The following NAGLU variants were observed in gnomAD, a reference collection of about 807,000 sequenced individuals.
NAGLU encodes the protein alpha-N-acetylglucosaminidase.
NAGLU carries 34 observed loss-of-function variants against 43.4 expected under a neutral mutation model. That is an observed-to-expected ratio of 0.78 (90% confidence interval 0.60 to 1.04). The LOEUF (loss-of-function observed/expected upper bound fraction) is 1.04. Among genes scored for constraint, NAGLU ranks in the 50% least tolerant of loss-of-function variants. NAGLU has a pLI of 0.00. For synonymous variants in NAGLU, 425 were observed against 437.6 expected (o/e 0.97, Z 0.36); for missense variants, 910 against 993.7 (o/e 0.92, Z 1.13).
At position 42,536,378 on chromosome 17, in the gene NAGLU, G is replaced by C; in HGVS notation, c.106G>C (p.Val36Leu). The change falls in exon 1 of 6, where the codon GTG becomes CTG. Residue 36 changes from valine (V) to leucine (L), a missense_variant. Val to Leu is a conservative substitution (Grantham distance 32). Coordinates refer to ENST00000225927, the MANE Select transcript of NAGLU (RefSeq NM_000263.4). ...AREAAAVRAL[V>L]ARLLGPGPAA... ...GGAGGCGGCGGCCGTGCGGGCGCTC[G>C]TGGCCCGGCTGCTGGGGCCAGGCCC... 7.5e-6 allele frequency: 9 copies of C among 1,196,708 alleles called. No individual in the cohort carries two copies. The highest frequency in any genetic ancestry group is 3.8e-5 in the South Asian group (1 of 26,386). 74.1% of individuals were successfully genotyped at this position (1,196,708 alleles called of 1,614,324 possible). A position where few individuals can be genotyped will look rare whatever the true frequency, so the allele number is the denominator to read the frequency against.
Position 42,543,644 on chromosome 17 carries a change from T to C in NAGLU, c.1638T>C (p.Ser546=), listed in dbSNP as rs901311027. 6.2e-6 allele frequency: 10 copies of C among 1,612,996 alleles called. No individual in the cohort carries two copies. Among genetic ancestry groups the C allele is most frequent in the Admixed American group, 1.7e-5 (1 of 60,014 alleles). The part of the protein sequence containing the change: ...VFEAWRLLLT[S]APSLATSPAF... Reference sequence around the variant, plus strand: ...AGGCCTGGCGGCTGCTGCTCACATCTGCTCCCTCCCTGGCCACCAGCCCCG... The same window carrying C: ...AGGCCTGGCGGCTGCTGCTCACATCCGCTCCCTCCCTGGCCACCAGCCCCG... Residue 546 remains serine (S), a synonymous_variant, in exon 6 of 6, where the codon TCT becomes TCC. Transcript: ENST00000225927.
At position 42,543,412 on chromosome 17, in the gene NAGLU, C is replaced by T. The variant is rs1567893528; in HGVS notation, c.1406C>T (p.Pro469Leu). Residue 469 changes from proline (P) to leucine (L), a missense_variant, in exon 6 of 6, where the codon CCA becomes CTA. By Grantham distance (98) the Pro-to-Leu change is moderately conservative. Transcript: ENST00000225927. Reference sequence around the variant, plus strand: ...CTGGGCTGGCGAAAGGACCCAGTGCCAGATTTGGCAGCCTGGGTGACCAGC... The same window carrying T: ...CTGGGCTGGCGAAAGGACCCAGTGCTAGATTTGGCAGCCTGGGTGACCAGC... The part of the protein sequence containing the change: ...AELGWRKDPV[P>L]DLAAWVTSFA... 1 of 1,603,456 alleles carries T rather than the reference C, an allele frequency of 6.2e-7. No homozygotes were observed. The highest frequency in any genetic ancestry group is 8.5e-7 in the Non-Finnish European group (1 of 1,175,800).
intron 4 of NAGLU, among the ~76,000 whole-genome samples, chr17:42,539,697 A>G (rs573486616): frequency 1.3e-5 from 2 of 152,316 alleles, no homozygotes; most frequent in South Asian, 4.1e-4. Context: ...TACCCCTGAT[A>G]GGAGAGATAT....
chr17:42,544,193 G>A lies in NAGLU; in HGVS notation c.2187G>A (p.Lys729=). ...PRGDTVDLAK[K]IFLKYYPRWV... is the part of the protein sequence containing the mutation. ...GAGACACTGTGGACCTGGCCAAGAAGATCTTCCTCAAATATTACCCCCGCT... is the reference window on the plus strand; with the variant it reads ...GAGACACTGTGGACCTGGCCAAGAAAATCTTCCTCAAATATTACCCCCGCT... Residue 729 remains lysine (K), a synonymous_variant, in exon 6 of 6, where the codon AAG becomes AAA. Coordinates refer to ENST00000225927, the MANE Select transcript of NAGLU (RefSeq NM_000263.4). The A allele has an allele frequency of 6.2e-7, 1 of 1,612,810 alleles. No homozygotes were observed. Among genetic ancestry groups the A allele is most frequent in the Non-Finnish European group, 8.5e-7 (1 of 1,180,018 alleles).
In NAGLU at chr17:42,544,245, C is replaced by A. The variant is rs755087798; in HGVS notation, c.*7C>A. 2 of 1,607,474 alleles carry A rather than the reference C, an allele frequency of 1.2e-6. No individual in the cohort carries two copies. The highest frequency in any genetic ancestry group is 2.2e-5 in the South Asian group (2 of 91,060). On this transcript the variant is annotated 3_prime_UTR_variant, in exon 6 of 6. Transcript: ENST00000225927. Reference sequence around the variant, plus strand: ...GGTGGCCGGCTCTTGGTGATAGATTCGCCACCACTGGGCCTTGTTTTCCGC... The same window carrying A: ...GGTGGCCGGCTCTTGGTGATAGATTAGCCACCACTGGGCCTTGTTTTCCGC...
chr17:42,541,224 G>T lies in NAGLU; in HGVS notation c.1021+18G>T. 1.2e-6 allele frequency: 2 copies of T among 1,610,968 alleles called. No individual in the cohort carries two copies. The highest frequency in any genetic ancestry group is 1.7e-6 in the Non-Finnish European group (2 of 1,179,966). Reference sequence around the variant, plus strand: ...GACTGCAGGTACAGTGCCTGGGTGGGGTGGGAGAGCCCCCCAGACCCTCAA... The same window carrying T: ...GACTGCAGGTACAGTGCCTGGGTGGTGTGGGAGAGCCCCCCAGACCCTCAA... On this transcript the variant is annotated intron_variant, in intron 5 of 5. Coordinates refer to ENST00000225927, the MANE Select transcript of NAGLU (RefSeq NM_000263.4).
Position 42,538,742 on chromosome 17 carries a change from G to C in NAGLU, c.751G>C (p.Glu251Gln). Residue 251 changes from glutamate (E) to glutamine (Q), a missense_variant, in exon 4 of 6, where the codon GAG (glutamate) becomes CAG (glutamine). Physicochemically the swap from Glu to Gln is conservative, Grantham distance 29. Coordinates refer to ENST00000225927, the MANE Select transcript of NAGLU (RefSeq NM_000263.4). ...VLPAFAGHVP[E>Q]AVTRVFPQVN... is the part of the protein sequence containing the mutation. ...GCCTGCATTCGCGGGGCATGTTCCC[G>C]AGGCTGTCACCAGGTGAGGTTCCGC... is the stretch of plus-strand genomic sequence containing the variant. The C allele has an allele frequency of 6.2e-7, 1 of 1,613,948 alleles. No homozygotes were observed. The highest frequency in any genetic ancestry group is 8.5e-7 in the Non-Finnish European group (1 of 1,180,032).
Position 42,541,059 on chromosome 17 carries a change from G to A in NAGLU, c.874G>A (p.Gly292Arg), listed in dbSNP as rs1358994052. Residue 292 changes from glycine to arginine, a missense_variant, in exon 5 of 6, where the codon GGG becomes AGG. Transcript: ENST00000225927. ...APEDPIFPII[G>R]SLFLRELIKE... ...GGAAGACCCCATATTCCCCATCATC[G>A]GGAGCCTCTTCCTGCGAGAGCTGAT... 27 of 1,614,088 alleles carry A rather than the reference G, an allele frequency of 1.7e-5. No individual in the cohort carries two copies. The highest frequency in any genetic ancestry group is 2.2e-5 in the South Asian group (2 of 91,084).
chr17:42,543,469 C>A lies in NAGLU; in HGVS notation c.1463C>A (p.Pro488Gln). 1.3e-6 allele frequency: 2 copies of A among 1,599,304 alleles called. No homozygotes were observed. Among genetic ancestry groups the A allele is most frequent in the South Asian group, 1.1e-5 (1 of 89,716 alleles). The change falls in exon 6 of 6, where the codon CCG (proline) becomes CAG (glutamine). Residue 488 changes from proline (P) to glutamine (Q), a missense_variant. Transcript: ENST00000225927. ...FAARRYGVSHPDAGAAWRLLL... is the reference protein window; with the variant it reads ...FAARRYGVSHQDAGAAWRLLL... The stretch of plus-strand genomic sequence containing the variant: ...GCCCGGCGGTATGGGGTCTCCCACC[C>A]GGACGCAGGGGCAGCGTGGAGGCTA...
chr17:42,543,539 C>T lies in NAGLU; in HGVS notation c.1533C>T (p.Gly511=), dbSNP rs768357311. The T allele has an allele frequency of 6.2e-7, 1 of 1,609,492 alleles. No homozygotes were observed. The highest frequency in any genetic ancestry group is 1.1e-5 in the South Asian group (1 of 90,734). ...VYNCSGEACR[G]HNRSPLVRRP... ...ACTGCTCCGGGGAGGCCTGCAGGGGCCACAATCGTAGCCCGCTGGTCAGGC... is the reference window on the plus strand; with the variant it reads ...ACTGCTCCGGGGAGGCCTGCAGGGGTCACAATCGTAGCCCGCTGGTCAGGC... Residue 511 remains glycine, a synonymous_variant, in exon 6 of 6, where the codon GGC becomes GGT. Transcript: ENST00000225927.
chr17:42,540,885 G>A (rs2092919714), intron 4 of NAGLU, 65 bp from the exon 5 acceptor site: 3 of 1,613,136 alleles, frequency 1.9e-6, no homozygotes, highest in African/African-American at 1.3e-5. Flanking sequence ...TGGCAAGGCT[G>A]TTGAACACTA....
intron 5 of NAGLU, among the ~76,000 whole-genome samples, chr17:42,541,781 G>C (rs2092922344): frequency 6.6e-6 from 1 of 152,212 alleles, no homozygotes; most frequent in Non-Finnish European, 1.5e-5. Flanking sequence ...GAACAGATCA[G>C]CTCAGCCTTT....
chr17:42,540,675 G>A (rs1276834615), intron 4 of NAGLU, among the ~76,000 whole-genome samples: 6 of 147,722 alleles, frequency 4.1e-5, no homozygotes, highest in Admixed American at 2.0e-4. Context: ...CAGCCTGGGG[G>A]ACAGAGTGAG....
intron 5 of NAGLU, among the ~76,000 whole-genome samples, chr17:42,541,431 A>G (rs1022123067): frequency 1.3e-5 from 2 of 152,042 alleles, no homozygotes; most frequent in Non-Finnish European, 1.5e-5. Context: ...TCGCGCTCCT[A>G]TTTCCTGGCC....
At position 42,537,387 on chromosome 17, in the gene NAGLU, A is replaced by G; in HGVS notation, c.384-11A>G. On this transcript the variant is annotated splice_polypyrimidine_tract_variant and intron_variant, in intron 1 of 5. Coordinates refer to ENST00000225927, the MANE Select transcript of NAGLU (RefSeq NM_000263.4). ...GGTGGGATGCGCCCCTGCTCATGAC[A>G]CTGCCCGCAGGTACCGCTATTACCA... The G allele has an allele frequency of 6.2e-7, 1 of 1,614,010 alleles. No individual in the cohort carries two copies. The highest frequency in any genetic ancestry group is 8.5e-7 in the Non-Finnish European group (1 of 1,179,906).
rs574688121 is a variant in NAGLU, at chr17:42,543,235, T to C, written c.1229T>C (p.Phe410Ser). 6.8e-6 allele frequency: 11 copies of C among 1,614,200 alleles called. No homozygotes were observed. Among genetic ancestry groups the C allele is most frequent in the South Asian group, 2.2e-5 (2 of 91,084 alleles). ...TTCATCTGGTGCATGCTGCACAACTTTGGGGGAAACCATGGTCTTTTTGGA... is the reference window on the plus strand; with the variant it reads ...TTCATCTGGTGCATGCTGCACAACTCTGGGGGAAACCATGGTCTTTTTGGA... ...QPFIWCMLHN[F>S]GGNHGLFGAL... Residue 410 changes from phenylalanine to serine, a missense_variant, in exon 6 of 6, where the codon TTT becomes TCT. Phe to Ser is a radical substitution (Grantham distance 155). Transcript: ENST00000225927.
At chr17:42,536,847 A>G (rs757523812) in intron 1 of NAGLU, 192 bp downstream of exon 1, 10 of 1,104,898 alleles carry the variant, frequency 9.1e-6, no homozygotes, top group Non-Finnish European at 1.2e-5. Flanking sequence ...AAAAACGGAA[A>G]GAAGACGCCT....
At chr17:42,539,894 A>G (rs1009293886) in intron 4 of NAGLU, among the ~76,000 whole-genome samples, 1 of 152,028 alleles carries the variant, frequency 6.6e-6, no homozygotes, top group Non-Finnish European at 1.5e-5. Flanking sequence ...CGTATGGATC[A>G]CCTGCGGTCA....
Position 42,537,530 on chromosome 17 carries a change from G to A in NAGLU, c.516G>A (p.Glu172=). The A allele has an allele frequency of 6.2e-7, 1 of 1,614,062 alleles. No individual in the cohort carries two copies. Among genetic ancestry groups the A allele is most frequent in the Non-Finnish European group, 8.5e-7 (1 of 1,180,008 alleles). The part of the protein sequence containing the change: ...INLALAWSGQ[E]AIWQRVYLAL... ...TGGCACTGGCCTGGAGCGGCCAGGA[G>A]GCCATCTGGCAGCGGGTGCGTGCCC... Residue 172 remains glutamate, a synonymous_variant, in exon 2 of 6, where the codon GAG becomes GAA. Coordinates refer to ENST00000225927, the MANE Select transcript of NAGLU (RefSeq NM_000263.4).
Sources: allele counts gnomAD v4.1 joint callset (sites outside exome capture counted in the v4.1 genomes callset), GRCh38; gene constraint gnomAD v4.1.1; transcripts MANE v1.5; gene names NCBI Gene and HGNC (gene_info 2026-07-23, HGNC 2026-07-21).